PRKG1: variants seen among roughly 807,000 people sequenced by gnomAD.
PRKG1 encodes the protein protein kinase cGMP-dependent 1, also known as cGMP-dependent protein kinase 1.
In PRKG1, 35 loss-of-function variants were observed where a neutral mutation model predicts 88.1. The ratio of observed to expected loss-of-function variants is 0.40; its 90% confidence interval spans 0.30 to 0.53. PRKG1 has a LOEUF of 0.53. PRKG1 is among the 20% of genes least tolerant of loss of function. The pLI is 0.59. For missense variants in PRKG1, 540 were observed against 839.8 expected (o/e 0.64, Z 4.41); for synonymous variants, 303 against 292.5 (o/e 1.04, Z -0.37).
At chr10:52,281,595 C>A (rs760288807) in intron 13 of PRKG1, among the ~76,000 whole-genome samples, 2 of 152,074 alleles carry the variant, frequency 1.3e-5, no homozygotes, top group Non-Finnish European at 2.9e-5. Context: ...CGACACTCTT[C>A]CTTCAAAAGA....
chr10:51,450,502 A>T lies in PRKG1; in HGVS notation c.479-17221A>T, dbSNP rs186641732. On this transcript the variant is annotated intron_variant, in intron 2 of 17. Transcript: ENST00000373980. ...GGCAAGTAATGAGATGGAATTCATGATGTTGGACTTCTAACAAGTGCTCCA... is the reference window on the plus strand; with the variant it reads ...GGCAAGTAATGAGATGGAATTCATGTTGTTGGACTTCTAACAAGTGCTCCA... Among the ~76,000 whole-genome samples, 408 of 152,112 alleles carry T rather than the reference A, an allele frequency of 2.7e-3. 1 individual carries two copies. The highest frequency in any genetic ancestry group is 9.3e-3 in the African/African-American group (385 of 41,558).
intron 2 of PRKG1, among the ~76,000 whole-genome samples, chr10:51,326,329 T>G (rs1160681422): frequency 6.6e-6 from 1 of 152,180 alleles, no homozygotes. Flanking sequence ...TGACAGCACT[T>G]TTGAGATAAC....
rs144869712 is a variant in PRKG1 at position 51,100,376 on chromosome 10, T to C, written c.311+25475T>C. On this transcript the variant is annotated intron_variant, in intron 1 of 17. Transcript: ENST00000373980. The stretch of plus-strand genomic sequence containing the variant: ...ATGTCTAATGTTTAGAATGTGGCAA[T>C]GACTTAAGAAACCACACTCAGCCAC... Among the ~76,000 whole-genome samples the C allele has an allele frequency of 1.9e-3, 291 of 152,320 alleles. 1 individual carries two copies. Among genetic ancestry groups the C allele is most frequent in the African/African-American group, 6.6e-3 (275 of 41,582 alleles).
chr10:51,784,142 C>T (rs1420705938), intron 3 of PRKG1, among the ~76,000 whole-genome samples: 1 of 151,998 alleles, frequency 6.6e-6, no homozygotes, highest in Non-Finnish European at 1.5e-5. Flanking sequence ...TTTGACAGGC[C>T]CCTGACTTCC....
At chr10:51,872,695 A>C (rs1450838946) in intron 4 of PRKG1, among the ~76,000 whole-genome samples, 1 of 152,158 alleles carries the variant, frequency 6.6e-6, no homozygotes, top group Non-Finnish European at 1.5e-5. Context: ...ATTTATAAGC[A>C]AGTAGCATTT....
intron 2 of PRKG1, among the ~76,000 whole-genome samples, chr10:51,272,578 G>A (rs1267635323): frequency 1.3e-5 from 2 of 152,038 alleles, no homozygotes; most frequent in Admixed American, 1.3e-4. Flanking sequence ...TGTAGTTAGA[G>A]TCAAAAATTA....
At chr10:51,742,710 G>A (rs530987794) in intron 3 of PRKG1, among the ~76,000 whole-genome samples, 1 of 152,262 alleles carries the variant, frequency 6.6e-6, no homozygotes, top group East Asian at 1.9e-4. Context: ...CAGGTGTAAA[G>A]GTGTAGTATG....
At chr10:51,846,099 A>G (rs142634844) in intron 4 of PRKG1, among the ~76,000 whole-genome samples, 3 of 152,262 alleles carry the variant, frequency 2.0e-5, no homozygotes, top group African/African-American at 7.2e-5. Flanking sequence ...CTACCCAAAC[A>G]GATGTTTAGA....
rs1487459519 is a variant in PRKG1 at position 52,252,708 on chromosome 10, G to T, written c.1173+1042G>T. On this transcript the variant is annotated intron_variant, in intron 10 of 17. Coordinates refer to ENST00000373980, the MANE Select transcript of PRKG1 (RefSeq NM_006258.4). ...ATTTACTTAAATATTAGATGAGAAG[G>T]TTTTAGAGCCATATGCCTCACTGAA... 5 of 152,084 alleles carry T rather than the reference G, an allele frequency of 3.3e-5. No homozygotes were observed. The East Asian group carries it at 9.7e-4, about 29-fold the overall frequency. The allele number at this position is 152,084 out of a possible 1,614,324, so 9.4% of individuals were successfully genotyped here. A position where few individuals can be genotyped will look rare whatever the true frequency, so the allele number is the denominator to read the frequency against.
At chr10:51,655,749 G>A (rs1368033852) in intron 3 of PRKG1, among the ~76,000 whole-genome samples, 2 of 152,092 alleles carry the variant, frequency 1.3e-5, no homozygotes, top group African/African-American at 4.8e-5. Flanking sequence ...CTGTGCAATA[G>A]GTTGTTTTTA....
chr10:51,100,087 T>A (rs1480603271), intron 1 of PRKG1, among the ~76,000 whole-genome samples: 1 of 152,074 alleles, frequency 6.6e-6, no homozygotes, highest in African/African-American at 2.4e-5. Flanking sequence ...AGAGACTGGA[T>A]CTCACTGTGT....
At chr10:51,156,879 A>G (rs986720993) in intron 2 of PRKG1, among the ~76,000 whole-genome samples, 6 of 151,954 alleles carry the variant, frequency 3.9e-5, no homozygotes, top group Non-Finnish European at 7.4e-5. Flanking sequence ...TAAAGAGTAT[A>G]CCATGGTAAT....
intron 3 of PRKG1, among the ~76,000 whole-genome samples, chr10:51,508,988 ACTTT>A (rs888044028): frequency 6.6e-6 from 1 of 152,188 alleles, no homozygotes; most frequent in Non-Finnish European, 1.5e-5. Flanking sequence ...ATTTCAAATG[ACTTT>A]CTAGAGTATC....
intron 1 of PRKG1, among the ~76,000 whole-genome samples, chr10:50,999,791 G>A (rs1842869797): frequency 6.6e-6 from 1 of 152,264 alleles, no homozygotes; most frequent in African/African-American, 2.4e-5. Flanking sequence ...TGGTCACCAA[G>A]GTACTTGGCT....
chr10:51,682,065 G>A (rs954707996), intron 3 of PRKG1, among the ~76,000 whole-genome samples: 1 of 152,034 alleles, frequency 6.6e-6, no homozygotes, highest in Non-Finnish European at 1.5e-5. Flanking sequence ...TAAATCTATA[G>A]GAAATAGAAA....
intron 2 of PRKG1, among the ~76,000 whole-genome samples, chr10:51,300,163 A>G (rs1485870175): frequency 3.3e-5 from 5 of 152,222 alleles, no homozygotes; most frequent in African/African-American, 1.2e-4. Context: ...ATGACCTTAT[A>G]GAGGATCATG....
At chr10:52,214,320 C>T (rs945983396) in intron 9 of PRKG1, among the ~76,000 whole-genome samples, 1 of 152,118 alleles carries the variant, frequency 6.6e-6, no homozygotes, top group African/African-American at 2.4e-5. Context: ...TCTCACTGTT[C>T]TCATTTAGCC....
chr10:51,517,569 T>C (rs1270116413), intron 3 of PRKG1, among the ~76,000 whole-genome samples: 5 of 152,242 alleles, frequency 3.3e-5, no homozygotes, highest in Admixed American at 6.5e-5. Flanking sequence ...CAGAAAGGCA[T>C]TGACATTTTC....
At chr10:51,169,995 C>T (rs142311655) in intron 2 of PRKG1, among the ~76,000 whole-genome samples, 2 of 152,004 alleles carry the variant, frequency 1.3e-5, no homozygotes, top group East Asian at 1.9e-4. Context: ...TGCTCTGAAG[C>T]ACTATTGCTC....
Sources: gnomAD v4.1 joint callset for allele counts (sites outside exome capture counted in the v4.1 genomes callset) on GRCh38, gnomAD v4.1.1 for gene constraint, MANE v1.5 for transcripts, NCBI Gene and HGNC (gene_info 2026-07-23, HGNC 2026-07-21) for gene names.